The following SP4 variants were observed in gnomAD, a reference collection of about 807,000 sequenced individuals.
SP4 encodes transcription factor Sp4.
Under a neutral mutation model 72.8 loss-of-function variants are expected in SP4, and 19 were observed. The ratio of observed to expected loss-of-function variants is 0.26; its 90% CI spans 0.18 to 0.38. The LOEUF is 0.38. SP4 is among the 10% of genes least tolerant of loss of function. The probability of loss-of-function intolerance (pLI) is 1.00; values close to 1 mark genes in which losing one functional copy is unlikely to be tolerated. For missense variants in SP4, 1,008 were observed against 926.3 expected (o/e 1.09, Z -1.14); for synonymous variants, 395 against 333.1 (o/e 1.19, Z -2.02).
chr7:21,432,404 A>T (rs998933014), intron 3 of SP4, among the ~76,000 whole-genome samples: 1 of 152,230 alleles, frequency 6.6e-6, no homozygotes, highest in African/African-American at 2.4e-5. Context: ...AAGTTACTTC[A>T]CTTCCATTTC....
chr7:21,477,459 C>G, intron 4 of SP4, 152 bp downstream of exon 4: 1 of 625,056 alleles, frequency 1.6e-6, no homozygotes, highest in Non-Finnish European at 2.8e-6. Context: ...TTAAGTTGGG[C>G]TATTTTAGGA....
At chr7:21,481,732 G>T (rs528587018) in intron 4 of SP4, among the ~76,000 whole-genome samples, 192 bp from the exon 5 acceptor site, 2 of 152,212 alleles carry the variant, frequency 1.3e-5, no homozygotes, top group African/African-American at 4.8e-5. Flanking sequence ...CATTTTCATA[G>T]CAATTTGGTA....
At chr7:21,498,942 G>C (rs557179890) in intron 5 of SP4, among the ~76,000 whole-genome samples, 5 of 151,880 alleles carry the variant, frequency 3.3e-5, no homozygotes, top group Middle Eastern at 3.4e-3. Flanking sequence ...AATTAGCTGG[G>C]CACAGTGGCG....
At chr7:21,444,217 A>G (rs542810507) in intron 3 of SP4, among the ~76,000 whole-genome samples, 4 of 152,344 alleles carry the variant, frequency 2.6e-5, no homozygotes, top group African/African-American at 7.2e-5. Flanking sequence ...ATTGAATAAC[A>G]TGGGACTGAA....
chr7:21,487,674 G>A (rs1393319821), intron 5 of SP4, among the ~76,000 whole-genome samples: 2 of 148,448 alleles, frequency 1.3e-5, no homozygotes, highest in African/African-American at 2.5e-5. Context: ...TGATTTTTTT[G>A]TCTGTATCTT....
intron 5 of SP4, among the ~76,000 whole-genome samples, chr7:21,503,170 C>G (rs934835446): frequency 1.3e-5 from 2 of 152,088 alleles, no homozygotes; most frequent in African/African-American, 4.8e-5. Context: ...GCCATGAACT[C>G]AAGAGGTGAA....
At chr7:21,450,725 C>G (rs572906025) in intron 3 of SP4, among the ~76,000 whole-genome samples, 3 of 152,292 alleles carry the variant, frequency 2.0e-5, no homozygotes, top group Admixed American at 6.5e-5. Context: ...CTTTCATATA[C>G]TACATACTAG....
At chr7:21,487,752 GA>G (rs577362982) in intron 5 of SP4, among the ~76,000 whole-genome samples, 91 of 92,510 alleles carry the variant, frequency 9.8e-4, no homozygotes, top group Middle Eastern at 6.6e-3. Flanking sequence ...TGATGATGAT[GA>G]TGATGATGAT....
intron 3 of SP4, among the ~76,000 whole-genome samples, chr7:21,460,395 G>T (rs954215453): frequency 7.0e-6 from 1 of 142,622 alleles, no homozygotes; most frequent in Admixed American, 6.9e-5. Flanking sequence ...TTTTCCTCCC[G>T]GTGGGTTCGT....
At chr7:21,507,055 C>T (rs540652234) in intron 5 of SP4, among the ~76,000 whole-genome samples, 2 of 152,296 alleles carry the variant, frequency 1.3e-5, no homozygotes, top group East Asian at 3.9e-4. Context: ...CTCTCCTGAT[C>T]ATTCCCCTTT....
chr7:21,454,905 C>T (rs1386483757), intron 3 of SP4, among the ~76,000 whole-genome samples: 1 of 152,198 alleles, frequency 6.6e-6, no homozygotes, highest in African/African-American at 2.4e-5. Context: ...CATACGCCCC[C>T]ATTACCTGAC....
intron 3 of SP4, among the ~76,000 whole-genome samples, chr7:21,431,273 A>G (rs1262247958): frequency 3.3e-5 from 5 of 152,148 alleles, no homozygotes; most frequent in African/African-American, 1.2e-4. Flanking sequence ...CTGTGGTGTA[A>G]TAAGGCTAAC....
At chr7:21,509,361 G>A (rs1246622183) in intron 5 of SP4, among the ~76,000 whole-genome samples, 3 of 151,744 alleles carry the variant, frequency 2.0e-5, no homozygotes, top group Non-Finnish European at 1.5e-5. Context: ...GTCATACAAA[G>A]TATTTTATTT....
intron 5 of SP4, among the ~76,000 whole-genome samples, chr7:21,486,852 A>G (rs188479378): frequency 6.0e-4 from 91 of 152,328 alleles, no homozygotes; most frequent in Admixed American, 1.8e-3. Context: ...AGTATCGAAG[A>G]ATTTGTGGAC....
chr7:21,498,578 A>G (rs993858985), intron 5 of SP4, among the ~76,000 whole-genome samples: 4 of 152,206 alleles, frequency 2.6e-5, no homozygotes, highest in African/African-American at 9.7e-5. Context: ...GAGTCCTTAC[A>G]TTCAAAAATG....
chr7:21,444,193 A>G (rs1783348934), intron 3 of SP4, among the ~76,000 whole-genome samples: 1 of 152,222 alleles, frequency 6.6e-6, no homozygotes, highest in Admixed American at 6.5e-5. Flanking sequence ...GCGGCTTGAT[A>G]TGTTCCTTAG....
At chr7:21,496,158 T>G (rs6461569) in intron 5 of SP4, among the ~76,000 whole-genome samples, 1 of 151,878 alleles carries the variant, frequency 6.6e-6, no homozygotes, top group Admixed American at 6.6e-5. Flanking sequence ...ATAGCAACTC[T>G]TCTGTGTGTT....
intron 3 of SP4, among the ~76,000 whole-genome samples, chr7:21,440,418 T>A (rs1978154): frequency 0.55 from 83,186 of 151,882 alleles, 23,241 homozygotes; most frequent in Middle Eastern, 0.7. Flanking sequence ...AATGAGATAT[T>A]TTAGGTATGG....
At chr7:21,472,943 A>G (rs995587140) in intron 3 of SP4, among the ~76,000 whole-genome samples, 9 of 152,182 alleles carry the variant, frequency 5.9e-5, no homozygotes, top group African/African-American at 1.9e-4. Flanking sequence ...AAAAATGCAC[A>G]ATAGATTTGG....
Sources: gnomAD v4.1 joint callset for allele counts (sites outside exome capture counted in the v4.1 genomes callset) on GRCh38, gnomAD v4.1.1 for gene constraint, MANE v1.5 for transcripts, NCBI Gene and HGNC (gene_info 2026-07-23, HGNC 2026-07-21) for gene names.